The following AP4E1 variants were observed in gnomAD, a reference collection of about 807,000 sequenced individuals.
The protein encoded by AP4E1 is adaptor related protein complex 4 subunit epsilon 1.
Under a neutral mutation model 128.2 loss-of-function variants are expected in AP4E1, and 56 were observed. The observed-to-expected ratio is 0.44, with a 90% CI of 0.35 to 0.55. AP4E1 has a LOEUF of 0.55. Ranked by LOEUF, AP4E1 falls within the 20% of genes least tolerant of loss-of-function variation. The pLI is 0.00. For missense variants in AP4E1, 1,324 were observed against 1,307.7 expected (o/e 1.01, Z -0.19); for synonymous variants, 484 against 473.1 (o/e 1.02, Z -0.30).
At chr15:50,970,423 T>C (rs997678296) in intron 15 of AP4E1, among the ~76,000 whole-genome samples, 8 of 152,240 alleles carry the variant, frequency 5.3e-5, no homozygotes, top group African/African-American at 1.9e-4. Context: ...GCAGTAAACA[T>C]TGAAGTGCTA....
chr15:50,997,755 A>G lies in AP4E1; in HGVS notation c.2776A>G (p.Thr926Ala). The change falls in exon 18 of 21, where the codon ACT becomes GCT. Residue 926 changes from threonine (T) to alanine (A), a missense_variant. Transcript: ENST00000261842. ...SNAMEVCNNE[T>A]ISVSSYKIWK... is the part of the protein sequence containing the mutation. ...TGCTATGGAAGTCTGTAATAATGAA[A>G]CTATATCAGTGTCTTCTTATAAAAT... 6.2e-7 allele frequency: 1 copy of G among 1,613,296 alleles called. No individual in the cohort carries two copies. The highest frequency in any genetic ancestry group is 8.5e-7 in the Non-Finnish European group (1 of 1,179,698).
intron 17 of AP4E1, among the ~76,000 whole-genome samples, chr15:50,995,799 G>C (rs1168002368): frequency 6.7e-6 from 1 of 149,846 alleles, no homozygotes; most frequent in Non-Finnish European, 1.5e-5. Context: ...TATAGCTTCT[G>C]AATAATAACA....
intron 14 of AP4E1, among the ~76,000 whole-genome samples, chr15:50,965,925 T>C (rs1195686219): frequency 6.8e-6 from 1 of 147,944 alleles, no homozygotes; most frequent in African/African-American, 2.5e-5. Context: ...GAAAACTTTC[T>C]TTTTTTTTTT....
intron 1 of AP4E1, among the ~76,000 whole-genome samples, chr15:50,910,456 A>G (rs1251479535): frequency 6.6e-6 from 1 of 152,272 alleles, no homozygotes; most frequent in African/African-American, 2.4e-5. Context: ...CCCTTTTCCC[A>G]AGGAATTAGT....
Position 50,941,428 on chromosome 15 carries a change from G to A in AP4E1, c.944-14G>A. On this transcript the variant is annotated splice_polypyrimidine_tract_variant and intron_variant, in intron 8 of 20. Coordinates refer to ENST00000261842, the MANE Select transcript of AP4E1 (RefSeq NM_007347.5). ...TTACCATGATACCTGCCATTTTTATGTTTCTTTTTCTAGCTATTTTGTTTG... is the reference window on the plus strand; with the variant it reads ...TTACCATGATACCTGCCATTTTTATATTTCTTTTTCTAGCTATTTTGTTTG... 1 of 1,610,678 alleles carries A rather than the reference G, an allele frequency of 6.2e-7. No homozygotes were observed.
At chr15:50,965,888 A>G (rs934494612) in intron 14 of AP4E1, among the ~76,000 whole-genome samples, 2 of 151,950 alleles carry the variant, frequency 1.3e-5, no homozygotes, top group African/African-American at 4.8e-5. Flanking sequence ...TTTATTTCAT[A>G]TCATGATCTC....
At chr15:50,922,185 T>A (rs1219332581) in intron 3 of AP4E1, among the ~76,000 whole-genome samples, 1 of 105,100 alleles carries the variant, frequency 9.5e-6, no homozygotes, top group Non-Finnish European at 2.2e-5. Context: ...AAAAAAAAAA[T>A]TAGCTCGGTG....
chr15:50,958,540 G>A lies in AP4E1; in HGVS notation c.1597G>A (p.Val533Ile), dbSNP rs866446410. The part of the protein sequence containing the change: ...YLLDKETPEE[V>I]IAKLYKLLMN... ...CTTAGATAAGGAAACGCCAGAGGAA[G>A]TTATAGCTAAGCTCTACAAGTTACT... is the stretch of plus-strand genomic sequence containing the variant. The change falls in exon 14 of 21, where the codon GTT (valine) becomes ATT (isoleucine). Residue 533 changes from valine to isoleucine, a missense_variant. By Grantham distance (29) the Val-to-Ile change is conservative. Transcript: ENST00000261842. 1.2e-6 allele frequency: 2 copies of A among 1,613,868 alleles called. No individual in the cohort carries two copies. The highest frequency in any genetic ancestry group is 4.5e-5 in the East Asian group (2 of 44,814).
chr15:50,952,027 C>T (rs935522158), intron 13 of AP4E1, among the ~76,000 whole-genome samples: 4 of 151,998 alleles, frequency 2.6e-5, no homozygotes, highest in Non-Finnish European at 5.9e-5. Flanking sequence ...ACACCCGGCC[C>T]AGTTAAATAT....
At chr15:50,991,745 G>A (rs1279174284) in intron 16 of AP4E1, among the ~76,000 whole-genome samples, 1 of 151,986 alleles carries the variant, frequency 6.6e-6, no homozygotes, top group Admixed American at 6.6e-5. Context: ...AGTATGAAGT[G>A]TAATTACCTG....
At chr15:50,989,417 CTAA>C (rs1357333379) in intron 16 of AP4E1, among the ~76,000 whole-genome samples, 1 of 151,258 alleles carries the variant, frequency 6.6e-6, no homozygotes, top group African/African-American at 2.4e-5. Context: ...AAGAAAGATA[CTAA>C]TAATAGATCA....
At chr15:50,992,651 C>G (rs903068758) in intron 16 of AP4E1, among the ~76,000 whole-genome samples, 1 of 152,110 alleles carries the variant, frequency 6.6e-6, no homozygotes, top group African/African-American at 2.4e-5. Context: ...TATTTTAATT[C>G]TTTTTCAACT....
At chr15:50,927,216 T>A (rs1385495757) in intron 5 of AP4E1, among the ~76,000 whole-genome samples, 1 of 152,214 alleles carries the variant, frequency 6.6e-6, no homozygotes, top group Admixed American at 6.5e-5. Context: ...TTTTCTTTAT[T>A]GCTTTGTGTT....
chr15:50,997,359 A>C lies in AP4E1; in HGVS notation c.2380A>C (p.Arg794=). The part of the protein sequence containing the change: ...GKADTVSHKF[R]RKSKVKEAKS... ...AGCAGATACTGTCTCTCACAAGTTC[A>C]GAAGGAAATCAAAAGTCAAAGAAGC... Residue 794 remains arginine, a synonymous_variant, in exon 18 of 21, where the codon AGA becomes CGA. Transcript: ENST00000261842. 6.2e-7 allele frequency: 1 copy of C among 1,603,358 alleles called. No homozygotes were observed. Among genetic ancestry groups the C allele is most frequent in the Non-Finnish European group, 8.5e-7 (1 of 1,177,248 alleles).
chr15:50,913,804 G>A (rs1237278274), intron 2 of AP4E1, among the ~76,000 whole-genome samples: 3 of 152,050 alleles, frequency 2.0e-5, no homozygotes, highest in African/African-American at 7.2e-5. Flanking sequence ...TCAGTATTTT[G>A]TAGCTTTTTT....
chr15:50,961,417 G>A (rs527717523), intron 14 of AP4E1, among the ~76,000 whole-genome samples: 2 of 151,894 alleles, frequency 1.3e-5, no homozygotes, highest in South Asian at 2.1e-4. Context: ...CTATGATCAA[G>A]TGGAATTTTC....
chr15:50,941,083 C>T (rs1462017063), intron 8 of AP4E1, among the ~76,000 whole-genome samples: 2 of 151,990 alleles, frequency 1.3e-5, no homozygotes, highest in Non-Finnish European at 2.9e-5. Context: ...TTGATGTTTC[C>T]ATTAGAATGT....
chr15:50,926,128 T>TTTAA (rs1203735743), intron 5 of AP4E1, among the ~76,000 whole-genome samples: 22 of 152,186 alleles, frequency 1.4e-4, no homozygotes, highest in Admixed American at 9.8e-4. Flanking sequence ...ATGTCATAAT[T>TTTAA]TTAATTAATT....
chr15:50,942,849 T>C (rs1266416365), intron 10 of AP4E1, among the ~76,000 whole-genome samples: 1 of 151,806 alleles, frequency 6.6e-6, no homozygotes, highest in Non-Finnish European at 1.5e-5. Context: ...TAGTTAAGAG[T>C]AAAAAATTCT....
Sources: allele counts gnomAD v4.1 joint callset (sites outside exome capture counted in the v4.1 genomes callset), GRCh38; gene constraint gnomAD v4.1.1; transcripts MANE v1.5; gene names NCBI Gene and HGNC (gene_info 2026-07-23, HGNC 2026-07-21).